The following GXYLT1 variants were observed in gnomAD, a reference collection of about 807,000 sequenced individuals.
GXYLT1 encodes glycosyltransferase 8 domain containing 3.
GXYLT1 carries 29 observed loss-of-function variants against 54.0 expected under a neutral mutation model. The observed-to-expected ratio is 0.54, with a 90% CI of 0.40 to 0.73. The LOEUF (loss-of-function observed/expected upper bound fraction) is 0.73. Ranked by LOEUF, GXYLT1 falls within the 30% of genes least tolerant of loss-of-function variation. GXYLT1 has a pLI of 0.00. For missense variants in GXYLT1, 490 were observed against 553.4 expected (o/e 0.89, Z 1.15); for synonymous variants, 176 against 204.1 (o/e 0.86, Z 1.17).
At chr12:42,101,453 G>T (rs2065389455) in intron 5 of GXYLT1, among the ~76,000 whole-genome samples, 1 of 152,156 alleles carries the variant, frequency 6.6e-6, no homozygotes, top group African/African-American at 2.4e-5. Flanking sequence ...CATTAAAAAT[G>T]TGATTATGTG....
chr12:42,143,284 A>G (rs972605383), intron 1 of GXYLT1, among the ~76,000 whole-genome samples: 18 of 152,124 alleles, frequency 1.2e-4, no homozygotes, highest in African/African-American at 4.1e-4. Flanking sequence ...TCAACCTGTC[A>G]TTTTTCACGA....
chr12:42,144,319 A>AAAG, intron 1 of GXYLT1, 107 bp downstream of exon 1: 2 of 670,860 alleles, frequency 3.0e-6, no homozygotes, highest in Non-Finnish European at 4.3e-6. Context: ...AGACAGGAGG[A>AAAG]AAGACGCGGG....
rs1482112339 is a variant in GXYLT1 at position 42,113,346 on chromosome 12, A to T, written c.487-3655T>A. ...AAAGACACAGACTGGCAAATTGGATAAAGAGTCAAGACCCATCAGTGTGCT... is the reference window on the plus strand; with the variant it reads ...AAAGACACAGACTGGCAAATTGGATTAAGAGTCAAGACCCATCAGTGTGCT... On this transcript the variant is annotated intron_variant, in intron 3 of 7. Transcript: ENST00000398675. Among the ~76,000 whole-genome samples, 12 of 151,160 alleles carry T rather than the reference A, an allele frequency of 7.9e-5. 1 individual carries two copies. Among genetic ancestry groups the T allele is most frequent in the Non-Finnish European group, 1.8e-4 (12 of 68,028 alleles).
At chr12:42,122,278 A>G (rs2065535722) in intron 2 of GXYLT1, among the ~76,000 whole-genome samples, 1 of 152,186 alleles carries the variant, frequency 6.6e-6, no homozygotes, top group African/African-American at 2.4e-5. Context: ...GTAATGAATG[A>G]TAGTGTATTA....
chr12:42,139,990 G>A (rs1309244282), intron 1 of GXYLT1, among the ~76,000 whole-genome samples: 1 of 151,942 alleles, frequency 6.6e-6, no homozygotes, highest in East Asian at 1.9e-4. Context: ...GACCATCCTG[G>A]CTAACATGGT....
intron 1 of GXYLT1, among the ~76,000 whole-genome samples, chr12:42,130,773 A>T (rs1239504175): frequency 6.6e-6 from 1 of 152,116 alleles, no homozygotes; most frequent in Non-Finnish European, 1.5e-5. Flanking sequence ...CAACATAACA[A>T]GACTCCGTCT....
At chr12:42,104,559 A>G (rs1309587156) in intron 5 of GXYLT1, among the ~76,000 whole-genome samples, 2 of 8,754 alleles carry the variant, frequency 2.3e-4, no homozygotes, top group African/African-American at 1.9e-3. Context: ...GGGAAAGCTA[A>G]AAAAAAAAAA....
At chr12:42,105,414 G>A (rs1474699493) in intron 5 of GXYLT1, among the ~76,000 whole-genome samples, 1 of 152,154 alleles carries the variant, frequency 6.6e-6, no homozygotes, top group African/African-American at 2.4e-5. Flanking sequence ...CATTTTACGG[G>A]TGAGAACAAA....
chr12:42,120,095 T>C (rs2065521580), intron 2 of GXYLT1, among the ~76,000 whole-genome samples: 1 of 152,182 alleles, frequency 6.6e-6, no homozygotes, highest in Non-Finnish European at 1.5e-5. Context: ...AAAGATAGAT[T>C]TGAAGGTCTT....
chr12:42,088,568 T>C (rs961191074), intron 7 of GXYLT1, among the ~76,000 whole-genome samples: 2 of 152,200 alleles, frequency 1.3e-5, no homozygotes, highest in Non-Finnish European at 2.9e-5. Context: ...CTGACCTGTT[T>C]GTCCCAAGAT....
chr12:42,099,993 T>C (rs753549301), intron 5 of GXYLT1, among the ~76,000 whole-genome samples: 13 of 152,216 alleles, frequency 8.5e-5, no homozygotes, highest in African/African-American at 1.2e-4. Flanking sequence ...CAATTTATAT[T>C]TTATGCTTTT....
At chr12:42,123,086 C>CA (rs1213865429) in intron 2 of GXYLT1, among the ~76,000 whole-genome samples, 3 of 151,996 alleles carry the variant, frequency 2.0e-5, no homozygotes, top group East Asian at 3.9e-4. Context: ...CTTTTCACCC[C>CA]AAAAAAGGCT....
chr12:42,106,084 A>G lies in GXYLT1; in HGVS notation c.613-15T>C. On this transcript the variant is annotated splice_polypyrimidine_tract_variant and intron_variant, in intron 4 of 7. Transcript: ENST00000398675. The stretch of plus-strand genomic sequence containing the variant: ...TTCAGGATTAACTACAAGGAGAGAT[A>G]TTTGAATGATTAACTATAATTCTAT... 7.0e-7 allele frequency: 1 copy of G among 1,432,694 alleles called. No homozygotes were observed. Among genetic ancestry groups the G allele is most frequent in the Admixed American group, 2.3e-5 (1 of 43,232 alleles). 88.7% of individuals were successfully genotyped at this position (1,432,694 alleles called of 1,614,324 possible).
At chr12:42,137,861 A>T (rs1189661590) in intron 1 of GXYLT1, among the ~76,000 whole-genome samples, 5 of 152,188 alleles carry the variant, frequency 3.3e-5, no homozygotes, top group Middle Eastern at 3.2e-3. Flanking sequence ...ATGCAACTTC[A>T]AGGCATGTAT....
rs140014377 is a variant in GXYLT1 at position 42,112,468 on chromosome 12, C to T, written c.487-2777G>A. On this transcript the variant is annotated intron_variant, in intron 3 of 7. Coordinates refer to ENST00000398675, the MANE Select transcript of GXYLT1 (RefSeq NM_173601.2). ...TTAAAGGACCTGATGGAGCTGAAAACCAAGGCATGAGAGCTATGTGACAAA... is the reference window on the plus strand; with the variant it reads ...TTAAAGGACCTGATGGAGCTGAAAATCAAGGCATGAGAGCTATGTGACAAA... 8.0e-3 allele frequency among the ~76,000 whole-genome samples: 1,214 copies of T among 152,264 alleles called. 13 individuals are homozygous for T. The highest frequency in any genetic ancestry group is 0.027 in the African/African-American group (1,125 of 41,550).
rs1449580100 is a variant in GXYLT1 at position 42,084,833 on chromosome 12, A to G, written c.*2953T>C. On this transcript the variant is annotated 3_prime_UTR_variant, in exon 8 of 8. Transcript: ENST00000398675. ...AGCATAAATCACAATATATATTTTT[A>G]AAGGTTTCCCAAGTTCTTTTCTACT... is the stretch of plus-strand genomic sequence containing the variant. 1 of 152,298 alleles carries G rather than the reference A, an allele frequency of 6.6e-6. No individual in the cohort carries two copies. Among genetic ancestry groups the G allele is most frequent in the Non-Finnish European group, 1.5e-5 (1 of 68,048 alleles). 9.4% of individuals were successfully genotyped at this position (152,298 alleles called of 1,614,324 possible).
At chr12:42,130,265 G>A (rs903645580) in intron 1 of GXYLT1, among the ~76,000 whole-genome samples, 3 of 152,094 alleles carry the variant, frequency 2.0e-5, no homozygotes, top group Non-Finnish European at 4.4e-5. Flanking sequence ...CTGGCAGAAA[G>A]GGAAAAGAAG....
intron 4 of GXYLT1, among the ~76,000 whole-genome samples, chr12:42,106,915 T>C (rs1185890602): frequency 6.6e-6 from 1 of 151,728 alleles, no homozygotes; most frequent in Admixed American, 6.6e-5. Context: ...CCGGCTAATT[T>C]TTCATATTTT....
Position 42,087,555 on chromosome 12 carries a change from A to T in GXYLT1, c.*231T>A, listed in dbSNP as rs2065302559. 2.3e-6 allele frequency: 1 copy of T among 429,322 alleles called. No homozygotes were observed. Among genetic ancestry groups the T allele is most frequent in the South Asian group, 2.6e-5 (1 of 38,888 alleles). The allele number at this position is 429,322 out of a possible 1,614,324, so 26.6% of individuals were successfully genotyped here. A position where few individuals can be genotyped will look rare whatever the true frequency, so the allele number is the denominator to read the frequency against. On this transcript the variant is annotated 3_prime_UTR_variant, in exon 8 of 8. Coordinates refer to ENST00000398675, the MANE Select transcript of GXYLT1 (RefSeq NM_173601.2). ...TAGTATTTTCATCAATACTGGAATG[A>T]TAGCAAGTAACATTACAAAACATCA...
Sources: allele counts gnomAD v4.1 joint callset (sites outside exome capture counted in the v4.1 genomes callset), GRCh38; gene constraint gnomAD v4.1.1; transcripts MANE v1.5; gene names NCBI Gene and HGNC (gene_info 2026-07-23, HGNC 2026-07-21).